Variants in TAB1 observed in about 807,000 individuals in gnomAD.
The protein encoded by TAB1 is TGF-beta activated kinase 1 (MAP3K7) binding protein 1, also known as TGF-beta-activated kinase 1 and MAP3K7-binding protein 1.
TAB1 carries 30 observed loss-of-function variants against 54.5 expected under a neutral mutation model. The observed-to-expected ratio is 0.55, with a 90% confidence interval of 0.41 to 0.75. TAB1 has a LOEUF of 0.75. Among genes scored for constraint, TAB1 ranks in the 30% least tolerant of loss-of-function variants. The probability of loss-of-function intolerance (pLI) is 0.00; values close to 1 mark genes in which losing one functional copy is unlikely to be tolerated. For missense variants in TAB1, 609 were observed against 683.2 expected (o/e 0.89, Z 1.21); for synonymous variants, 289 against 286.9 (o/e 1.01, Z -0.07).
intron 1 of TAB1, among the ~76,000 whole-genome samples, chr22:39,406,908 C>G (rs1253751320): frequency 1.3e-5 from 2 of 152,316 alleles, no homozygotes; most frequent in Non-Finnish European, 2.9e-5. Flanking sequence ...GCTGGGATTA[C>G]AGGCGTGAGC....
Position 39,431,642 on chromosome 22 carries a change from A to T in TAB1, c.*1420A>T, listed in dbSNP as rs527575853. The T allele has an allele frequency of 1.0e-5, 10 of 985,400 alleles. No homozygotes were observed. Among genetic ancestry groups the T allele is most frequent in the Non-Finnish European group, 1.2e-6 (1 of 829,944 alleles). The allele number at this position is 985,400 out of a possible 1,614,324, so 61.0% of individuals were successfully genotyped here. ...GAACCAGGGAGCTGTGGGAAGCCAC[A>T]GCAGAAATGGAAGAAAAACAGGTCT... On this transcript the variant is annotated 3_prime_UTR_variant, in exon 11 of 11. Transcript: ENST00000216160.
chr22:39,426,048 G>A (rs927959336), intron 8 of TAB1, among the ~76,000 whole-genome samples: 1 of 151,754 alleles, frequency 6.6e-6, no homozygotes, highest in Non-Finnish European at 1.5e-5. Context: ...AAGTAGAGAC[G>A]GGGTTTCAAC....
chr22:39,429,905 G>A, intron 10 of TAB1, 110 bp from the exon 11 acceptor site: 1 of 1,549,640 alleles, frequency 6.5e-7, no homozygotes. Flanking sequence ...CTGCCAGAAA[G>A]GCCTGTGGCC....
At chr22:39,432,866 G>A, downstream of TAB1, 1 of 985,438 alleles carries the variant, frequency 1.0e-6, no homozygotes, top group Non-Finnish European at 1.2e-6. Context: ...GGGAAATGAA[G>A]GTGAGAGGGA....
chr22:39,430,878 TG>T lies in TAB1; in HGVS notation c.*658del. The T allele has an allele frequency of 1.0e-6, 1 of 988,090 alleles. No homozygotes were observed. Among genetic ancestry groups the T allele is most frequent in the Non-Finnish European group, 1.2e-6 (1 of 831,626 alleles). The allele number at this position is 988,090 out of a possible 1,614,324, so 61.2% of individuals were successfully genotyped here. A position where few individuals can be genotyped will look rare whatever the true frequency, so the allele number is the denominator to read the frequency against. On this transcript the variant is annotated 3_prime_UTR_variant, in exon 11 of 11. Coordinates refer to ENST00000216160, the MANE Select transcript of TAB1 (RefSeq NM_006116.3). ...CCAGGGGGAAGTGGTCTAAGAGACCTGGAACTGCCAGAGGATGGCGGCCTGG... is the reference window on the plus strand; with the variant it reads ...CCAGGGGGAAGTGGTCTAAGAGACCTGAACTGCCAGAGGATGGCGGCCTGG...
chr22:39,431,934 C>T (rs1205099854), downstream of TAB1: 4 of 939,338 alleles, frequency 4.3e-6, no homozygotes, highest in Admixed American at 6.2e-5. Context: ...GGGAAGTGGA[C>T]GCCTCCCCTC....
intron 1 of TAB1, among the ~76,000 whole-genome samples, chr22:39,403,017 G>C (rs1029707419): frequency 6.6e-6 from 1 of 152,218 alleles, no homozygotes; most frequent in African/African-American, 2.4e-5. Flanking sequence ...GGTGTTAAAG[G>C]AACTGACACA....
chr22:39,413,705 G>A (rs926721918), intron 1 of TAB1, among the ~76,000 whole-genome samples: 4 of 152,314 alleles, frequency 2.6e-5, no homozygotes, highest in Middle Eastern at 3.4e-3. Context: ...GATTACGGGC[G>A]TGAGCCACTG....
chr22:39,416,902 G>A, intron 4 of TAB1, 25 bp downstream of exon 4: 1 of 1,612,502 alleles, frequency 6.2e-7, no homozygotes, highest in Non-Finnish European at 8.5e-7. Context: ...CGACACCCAG[G>A]GGAGTCAAGT....
chr22:39,428,313 T>A, intron 10 of TAB1, 130 bp downstream of exon 10: 1 of 579,586 alleles, frequency 1.7e-6, no homozygotes. Context: ...ATTCCCCAGC[T>A]CCGTGCCTGG....
intron 9 of TAB1, 125 bp from the exon 10 acceptor site, chr22:39,427,896 G>T: frequency 1.1e-6 from 1 of 946,422 alleles, no homozygotes; most frequent in South Asian, 2.0e-5. Flanking sequence ...GGGGAGCCAG[G>T]CATGGCCGCC....
chr22:39,421,812 A>C lies in TAB1; in HGVS notation c.777-15A>C, dbSNP rs1486010713. The C allele has an allele frequency of 1.2e-6, 2 of 1,611,614 alleles. No individual in the cohort carries two copies. The highest frequency in any genetic ancestry group is 1.7e-6 in the Non-Finnish European group (2 of 1,179,030). The stretch of plus-strand genomic sequence containing the variant: ...TGTTCCAAGCAAAGCTCTTCCTTCC[A>C]CTCTCTCCCCATAGCGCTGCCAAGT... On this transcript the variant is annotated splice_polypyrimidine_tract_variant and intron_variant, in intron 7 of 10. Coordinates refer to ENST00000216160, the MANE Select transcript of TAB1 (RefSeq NM_006116.3).
At chr22:39,403,473 G>A (rs1926231259) in intron 1 of TAB1, among the ~76,000 whole-genome samples, 1 of 152,160 alleles carries the variant, frequency 6.6e-6, no homozygotes, top group African/African-American at 2.4e-5. Flanking sequence ...AGTGCCTTGG[G>A]GGAGCTTGGG....
In TAB1 at chr22:39,421,968, C is replaced by A; in HGVS notation, c.918C>A (p.Asn306Lys). ...CAGCCCATGGGCCTGGGCAGGCCAA[C>A]CAGGTGAGTTGGGCCCAGCCACGCC... ...LEAAHGPGQANQEIAAMIDTE... is the reference protein window; with the variant it reads ...LEAAHGPGQAKQEIAAMIDTE... Residue 306 changes from asparagine to lysine, a missense_variant, in exon 8 of 11, where the codon AAC (asparagine) becomes AAA (lysine). By Grantham distance (94) the Asn-to-Lys change is moderately conservative. Coordinates refer to ENST00000216160, the MANE Select transcript of TAB1 (RefSeq NM_006116.3). 1 of 1,546,940 alleles carries A rather than the reference C, an allele frequency of 6.5e-7. No homozygotes were observed. The highest frequency in any genetic ancestry group is 8.7e-7 in the Non-Finnish European group (1 of 1,150,514).
chr22:39,401,676 G>A (rs1347432035), intron 1 of TAB1, among the ~76,000 whole-genome samples: 3 of 152,226 alleles, frequency 2.0e-5, no homozygotes, highest in African/African-American at 7.2e-5. Context: ...TCTCCAGGTG[G>A]TGGTGGCCTT....
chr22:39,420,782 TG>T, intron 7 of TAB1, among the ~76,000 whole-genome samples: 1 of 143,172 alleles, frequency 7.0e-6, no homozygotes, highest in Non-Finnish European at 1.5e-5. Flanking sequence ...TCTCTGTGTG[TG>T]TGTGTGTGTG....
At chr22:39,405,519 C>A (rs1244116688) in intron 1 of TAB1, among the ~76,000 whole-genome samples, 3 of 152,184 alleles carry the variant, frequency 2.0e-5, no homozygotes, top group African/African-American at 4.8e-5. Context: ...CAGCTTCTCG[C>A]AGACTCTTGC....
intron 5 of TAB1, among the ~76,000 whole-genome samples, chr22:39,418,378 C>G (rs1279828179): frequency 6.6e-6 from 1 of 152,210 alleles, no homozygotes. Context: ...CGCCCATCCC[C>G]AATCCCAGCA....
At position 39,415,255 on chromosome 22, in the gene TAB1, G is replaced by T; in HGVS notation, c.170+113G>T. 1.5e-6 allele frequency: 2 copies of T among 1,337,074 alleles called. No individual in the cohort carries two copies. The highest frequency in any genetic ancestry group is 1.5e-5 in the African/African-American group (1 of 68,534). The allele number at this position is 1,337,074 out of a possible 1,614,324, so 82.8% of individuals were successfully genotyped here. On this transcript the variant is annotated intron_variant, in intron 2 of 10. Coordinates refer to ENST00000216160, the MANE Select transcript of TAB1 (RefSeq NM_006116.3). This position sits in a 1 kb window ranked among gnomAD's most constrained non-coding sequence, Gnocchi z 4.9. ...TGGGCTTGCCAGTGACATGTGGCCC[G>T]TGAGAGGTGGCCTCTGCTGCTGTCT...
Sources: allele counts gnomAD v4.1 joint callset (sites outside exome capture counted in the v4.1 genomes callset), GRCh38; gene constraint gnomAD v4.1.1; non-coding constraint Gnocchi (gnomAD v3.1); transcripts MANE v1.5; gene names NCBI Gene and HGNC (gene_info 2026-07-23, HGNC 2026-07-21).